IFIH1: variants seen among roughly 807,000 people sequenced by gnomAD.
IFIH1 encodes interferon-induced helicase C domain-containing protein 1.
In IFIH1, 125 loss-of-function variants were observed where a neutral mutation model predicts 107.4. The ratio of observed to expected loss-of-function variants is 1.16; its 90% CI spans 1.01 to 1.35. IFIH1 has a LOEUF of 1.35. Ranked by LOEUF, IFIH1 falls within the 40% of genes most tolerant of loss-of-function variation. The pLI, the probability that IFIH1 is intolerant of heterozygous loss-of-function variation, is 0.00. For missense variants in IFIH1, 1,333 were observed against 1,213.7 expected (o/e 1.10, Z -1.46); for synonymous variants, 458 against 413.2 (o/e 1.11, Z -1.31).
rs1313785223 is a variant in IFIH1 at position 162,267,393 on chromosome 2, G to A, written c.2899-14C>T. The A allele has an allele frequency of 6.2e-7, 1 of 1,613,914 alleles. No homozygotes were observed. Among genetic ancestry groups the A allele is most frequent in the Non-Finnish European group, 8.5e-7 (1 of 1,179,924 alleles). On this transcript the variant is annotated splice_polypyrimidine_tract_variant and intron_variant, in intron 15 of 15. Coordinates refer to ENST00000649979, the MANE Select transcript of IFIH1 (RefSeq NM_022168.4). Reference sequence around the variant, plus strand: ...TGTTCCCCAAGCCTGGAAAACAAAAGAGAGAGCAAGAGGAAAATTAAATGT... The same window carrying A: ...TGTTCCCCAAGCCTGGAAAACAAAAAAGAGAGCAAGAGGAAAATTAAATGT...
chr2:162,305,274 G>A (rs893189153), intron 3 of IFIH1, among the ~76,000 whole-genome samples: 2 of 152,074 alleles, frequency 1.3e-5, no homozygotes, highest in African/African-American at 4.8e-5. Flanking sequence ...ACTTATCTAA[G>A]TACAAAATAA....
intron 11 of IFIH1, among the ~76,000 whole-genome samples, chr2:162,274,623 A>G (rs1045578296): frequency 3.9e-5 from 6 of 152,202 alleles, no homozygotes; most frequent in Non-Finnish European, 8.8e-5. Context: ...GCAACTGTAA[A>G]TAAAACTATT....
chr2:162,303,709 A>T (rs908403328), intron 3 of IFIH1, among the ~76,000 whole-genome samples: 7 of 152,156 alleles, frequency 4.6e-5, no homozygotes, highest in East Asian at 1.9e-4. Flanking sequence ...CATTATTAAA[A>T]TTTTTTTCAC....
At chr2:162,292,966 T>G (rs1683023522) in intron 4 of IFIH1, among the ~76,000 whole-genome samples, 1 of 151,758 alleles carries the variant, frequency 6.6e-6, no homozygotes, top group African/African-American at 2.4e-5. Context: ...AATTAAGGTG[T>G]GGGGAATTAG....
chr2:162,317,501 A>C lies in IFIH1; in HGVS notation c.453+354T>G, dbSNP rs1384419660. 8.5e-5 allele frequency among the ~76,000 whole-genome samples: 13 copies of C among 152,292 alleles called. No homozygotes were observed. The East Asian group carries it at 2.5e-3, about 29-fold the overall frequency. On this transcript the variant is annotated intron_variant, in intron 1 of 15. Coordinates refer to ENST00000649979, the MANE Select transcript of IFIH1 (RefSeq NM_022168.4). ...CCTGCCTCAGGTTTCTCATCTGTAA[A>C]ATGGAGTTAATAACATTAGGAGCCT... is the stretch of plus-strand genomic sequence containing the variant.
At chr2:162,311,106 GAA>G (rs967608224) in intron 1 of IFIH1, among the ~76,000 whole-genome samples, 173 bp from the exon 2 acceptor site, 1 of 150,026 alleles carries the variant, frequency 6.7e-6, no homozygotes, top group South Asian at 2.1e-4. Flanking sequence ...AGTCGGCAGG[GAA>G]AAAAATCTCC....
At position 162,278,298 on chromosome 2, in the gene IFIH1, T is replaced by C. The variant is rs756286361; in HGVS notation, c.1672A>G (p.Met558Val). The change falls in exon 9 of 16, where the codon ATG becomes GTG. Residue 558 changes from methionine (M) to valine (V), a missense_variant. Physicochemically the swap from Met to Val is conservative, Grantham distance 21. Coordinates refer to ENST00000649979, the MANE Select transcript of IFIH1 (RefSeq NM_022168.4). ...TGACAATAAGTTTGAATCCTTGTCA[T>C]TATTTCTAGAAGTTTCTCTTTAAAT... Reference protein sequence around the residue: ...DPFKEKLLEIMTRIQTYCQMS... With the variant: ...DPFKEKLLEIVTRIQTYCQMS... 6 of 1,477,104 alleles carry C rather than the reference T, an allele frequency of 4.1e-6. No homozygotes were observed. In the Admixed American group the frequency reaches 5.4e-5, roughly 13 times the overall value. The allele number at this position is 1,477,104 out of a possible 1,614,324, so 91.5% of individuals were successfully genotyped here.
intron 3 of IFIH1, among the ~76,000 whole-genome samples, chr2:162,298,116 A>T (rs1683126770): frequency 6.6e-6 from 1 of 152,200 alleles, no homozygotes; most frequent in African/African-American, 2.4e-5. Flanking sequence ...TTCAATGTAA[A>T]GTCTGCCCTC....
At chr2:162,297,624 A>G (rs2105218102) in intron 3 of IFIH1, among the ~76,000 whole-genome samples, 1 of 152,296 alleles carries the variant, frequency 6.6e-6, no homozygotes, top group South Asian at 2.1e-4. Flanking sequence ...ATATTGTATA[A>G]TAAGTTTAGT....
At position 162,273,894 on chromosome 2, in the gene IFIH1, C is replaced by A. The variant is rs1691096167; in HGVS notation, c.2355G>T (p.Leu785=). ...ISKFRTGKIN[L]LIATTVAEEG... Reference sequence around the variant, plus strand: ...CTTCTGCCACTGTGGTAGCGATAAGCAGATTTATTTTTCCAGTGCGAAATT... The same window carrying A: ...CTTCTGCCACTGTGGTAGCGATAAGAAGATTTATTTTTCCAGTGCGAAATT... Residue 785 remains leucine (L), a synonymous_variant, in exon 12 of 16, where the codon CTG becomes CTT. Coordinates refer to ENST00000649979, the MANE Select transcript of IFIH1 (RefSeq NM_022168.4). The A allele has an allele frequency of 6.2e-7, 1 of 1,609,604 alleles. No individual in the cohort carries two copies. The highest frequency in any genetic ancestry group is 1.3e-5 in the African/African-American group (1 of 74,860).
chr2:162,303,458 A>G (rs1322062925), intron 3 of IFIH1, among the ~76,000 whole-genome samples: 5 of 152,062 alleles, frequency 3.3e-5, no homozygotes, highest in Non-Finnish European at 7.4e-5. Context: ...CACAATCTCC[A>G]GATAGAGTCA....
chr2:162,278,434 G>C (rs542923193), intron 8 of IFIH1, 106 bp from the exon 9 acceptor site: 9 of 643,666 alleles, frequency 1.4e-5, no homozygotes, highest in Non-Finnish European at 2.0e-5. Context: ...ATTCATCTTT[G>C]TTTAGACAAA....
At chr2:162,274,002 A>C in intron 11 of IFIH1, 58 bp from the exon 12 acceptor site, 1 of 1,163,964 alleles carries the variant, frequency 8.6e-7, no homozygotes, top group Non-Finnish European at 1.2e-6. Flanking sequence ...AAAATCTTCT[A>C]ATTAGAGGAA....
chr2:162,293,581 G>A lies in IFIH1; in HGVS notation c.857C>T (p.Thr286Ile). ...HNSNMGSDSG[T>I]MGSDSDEENV... ...GGCAGTACCTGAATCACTTCCCATG[G>A]TGCCTGAATCACTGCCCATGTTGCT... The change falls in exon 4 of 16, where the codon ACC (threonine) becomes ATC (isoleucine). Residue 286 changes from threonine to isoleucine, a missense_variant. By Grantham distance (89) the Thr-to-Ile change is moderately conservative (BLOSUM62 -1). Coordinates refer to ENST00000649979, the MANE Select transcript of IFIH1 (RefSeq NM_022168.4). 1 of 1,609,464 alleles carries A rather than the reference G, an allele frequency of 6.2e-7. No individual in the cohort carries two copies. Among genetic ancestry groups the A allele is most frequent in the East Asian group, 2.2e-5 (1 of 44,804 alleles).
intron 13 of IFIH1, 63 bp downstream of exon 13, chr2:162,272,163 T>C (rs1434674200): frequency 6.8e-6 from 9 of 1,315,346 alleles, no homozygotes; most frequent in Admixed American, 3.8e-5. Flanking sequence ...CACAGAGATA[T>C]CAATGGCAAC....
intron 2 of IFIH1, 189 bp downstream of exon 2, chr2:162,310,576 T>C (rs1315658482): frequency 2.2e-5 from 13 of 585,840 alleles, no homozygotes; most frequent in Admixed American, 1.3e-4. Context: ...CTTTGATCAG[T>C]TGATATTTTC....
At chr2:162,283,216 A>G (rs1352998172) in intron 5 of IFIH1, among the ~76,000 whole-genome samples, 1 of 151,956 alleles carries the variant, frequency 6.6e-6, no homozygotes, top group African/African-American at 2.4e-5. Flanking sequence ...CGGAAGAATC[A>G]GGGAACCACA....
chr2:162,318,377 T>A lies in IFIH1; in HGVS notation c.-70A>T, dbSNP rs1230118211. 11 of 1,289,950 alleles carry A rather than the reference T, an allele frequency of 8.5e-6. No homozygotes were observed. The highest frequency in any genetic ancestry group is 1.5e-5 in the African/African-American group (1 of 68,514). The allele number at this position is 1,289,950 out of a possible 1,614,324, so 79.9% of individuals were successfully genotyped here. ...GCTGTTGTCTGCGGGACAGGTGAAA[T>A]GTGCGTGCCGCTGTCCGCTGCCCAC... On this transcript the variant is annotated 5_prime_UTR_variant, in exon 1 of 16. Transcript: ENST00000649979.
intron 3 of IFIH1, 51 bp from the exon 4 acceptor site, chr2:162,293,719 C>T (rs755819604): frequency 4.2e-6 from 5 of 1,192,114 alleles, no homozygotes; most frequent in South Asian, 2.6e-5. Flanking sequence ...TGAGAATAAA[C>T]GTATTTTAAC....
Sources: gnomAD v4.1 joint callset for allele counts (sites outside exome capture counted in the v4.1 genomes callset) on GRCh38, gnomAD v4.1.1 for gene constraint, MANE v1.5 for transcripts, NCBI Gene and HGNC (gene_info 2026-07-23, HGNC 2026-07-21) for gene names.